Variants in BAIAP2L1 observed in about 807,000 individuals in gnomAD.
BAIAP2L1 encodes the protein BAR/IMD domain-containing adapter protein 2-like 1.
BAIAP2L1 carries 35 observed loss-of-function variants against 66.3 expected under a neutral mutation model. The observed-to-expected ratio is 0.53, with a 90% CI of 0.40 to 0.70. The LOEUF is 0.70. Ranked by LOEUF, BAIAP2L1 falls within the 30% of genes least tolerant of loss-of-function variation. The probability of loss-of-function intolerance (pLI) is 0.00; values close to 1 mark genes in which losing one functional copy is unlikely to be tolerated. For synonymous variants in BAIAP2L1, 269 were observed against 248.7 expected (o/e 1.08, Z -0.77); for missense variants, 622 against 656.9 (o/e 0.95, Z 0.58).
rs1802584242 is a variant in BAIAP2L1 at position 98,374,885 on chromosome 7, AG to A, written c.52-12454del. 2.0e-5 allele frequency among the ~76,000 whole-genome samples: 3 copies of A among 152,118 alleles called. No individual in the cohort carries two copies. The South Asian group carries it at 6.2e-4, about 32-fold the overall frequency. ...AGGATCGCTTGAGGTCAGGGGTTCA[AG>A]ACCAGCCTAAGCAACATAGCAAAAC... On this transcript the variant is annotated intron_variant, in intron 1 of 13. Coordinates refer to ENST00000005260, the MANE Select transcript of BAIAP2L1 (RefSeq NM_018842.5).
Position 98,331,128 on chromosome 7 carries a change from C to T in BAIAP2L1, c.215-10830G>A, listed in dbSNP as rs554539853. 1.4e-4 allele frequency among the ~76,000 whole-genome samples: 22 copies of T among 152,200 alleles called. No individual in the cohort carries two copies. The East Asian group carries it at 2.1e-3, about 15-fold the overall frequency. ...GATAAGTTCACCAGCAGACTGGACACGACCAAGGGAAGAATGAATGAGCTT... is the reference window on the plus strand; with the variant it reads ...GATAAGTTCACCAGCAGACTGGACATGACCAAGGGAAGAATGAATGAGCTT... On this transcript the variant is annotated intron_variant, in intron 3 of 13. Coordinates refer to ENST00000005260, the MANE Select transcript of BAIAP2L1 (RefSeq NM_018842.5).
intron 3 of BAIAP2L1, among the ~76,000 whole-genome samples, chr7:98,340,959 G>T (rs868755882): frequency 0.016 from 2,030 of 129,546 alleles, 50 homozygotes; most frequent in African/African-American, 0.053. Context: ...CAGCTAATTG[G>T]TTTTTTTTTT....
intron 12 of BAIAP2L1, among the ~76,000 whole-genome samples, chr7:98,294,892 G>A (rs1010347351): frequency 2.0e-5 from 3 of 152,166 alleles, no homozygotes; most frequent in Admixed American, 6.5e-5. Context: ...CACCCAGGGC[G>A]AGCCAGGGCC....
chr7:98,393,176 T>TACAC (rs398111637), intron 1 of BAIAP2L1, among the ~76,000 whole-genome samples: 14 of 57,276 alleles, frequency 2.4e-4, no homozygotes, highest in Middle Eastern at 0.014. Flanking sequence ...TGTATATATA[T>TACAC]ACATATATGT....
chr7:98,339,108 T>C (rs1384185500), intron 3 of BAIAP2L1, among the ~76,000 whole-genome samples: 1 of 150,982 alleles, frequency 6.6e-6, no homozygotes, highest in Non-Finnish European at 1.5e-5. Context: ...TGTGTGGGCA[T>C]ATGTTTCATT....
intron 1 of BAIAP2L1, among the ~76,000 whole-genome samples, chr7:98,384,980 T>C (rs1802853352): frequency 6.6e-6 from 1 of 152,106 alleles, no homozygotes; most frequent in Admixed American, 6.6e-5. Context: ...ATTACAGGCA[T>C]GAGCCACGGC....
At chr7:98,350,769 T>C (rs1426715375) in intron 3 of BAIAP2L1, among the ~76,000 whole-genome samples, 1 of 152,102 alleles carries the variant, frequency 6.6e-6, no homozygotes, top group Non-Finnish European at 1.5e-5. Flanking sequence ...GATCTCCCCT[T>C]CCCAAATAGA....
chr7:98,338,147 G>C (rs183917275), intron 3 of BAIAP2L1, among the ~76,000 whole-genome samples: 16 of 152,092 alleles, frequency 1.1e-4, no homozygotes, highest in Admixed American at 8.5e-4. Context: ...AAGAGATGCC[G>C]TTAGGCGGGG....
At chr7:98,343,395 G>A (rs1425201119) in intron 3 of BAIAP2L1, among the ~76,000 whole-genome samples, 1 of 152,052 alleles carries the variant, frequency 6.6e-6, no homozygotes, top group Non-Finnish European at 1.5e-5. Flanking sequence ...AGCTTGCAGT[G>A]AGCCAAGATC....
intron 1 of BAIAP2L1, among the ~76,000 whole-genome samples, chr7:98,377,265 G>A (rs971214234): frequency 5.9e-5 from 9 of 152,120 alleles, no homozygotes; most frequent in African/African-American, 1.9e-4. Flanking sequence ...TGCTAATGAC[G>A]ACGACGTGGT....
At position 98,293,291 on chromosome 7, in the gene BAIAP2L1, ATATTT is replaced by A. The variant is rs1009795384; in HGVS notation, c.*225_*229del. 4 of 451,166 alleles carry A rather than the reference ATATTT, an allele frequency of 8.9e-6. No individual in the cohort carries two copies. The highest frequency in any genetic ancestry group is 1.6e-5 in the Non-Finnish European group (4 of 251,656). 27.9% of individuals were successfully genotyped at this position (451,166 alleles called of 1,614,324 possible). A position where few individuals can be genotyped will look rare whatever the true frequency, so the allele number is the denominator to read the frequency against. On this transcript the variant is annotated 3_prime_UTR_variant, in exon 14 of 14. Transcript: ENST00000005260. ...GTTTCTTGAACAGAATAGGAAGAAAATATTTTAAATGGCTGAGCTGGTCATTAGAC... is the reference window on the plus strand; with the variant it reads ...GTTTCTTGAACAGAATAGGAAGAAAATAAATGGCTGAGCTGGTCATTAGAC...
chr7:98,321,286 T>A (rs1009264962), intron 3 of BAIAP2L1, among the ~76,000 whole-genome samples: 4 of 152,266 alleles, frequency 2.6e-5, no homozygotes, highest in African/African-American at 9.6e-5. Flanking sequence ...TAAAAAATGA[T>A]TTATTTTTAT....
At chr7:98,294,767 G>T (rs1800115803) in intron 12 of BAIAP2L1, among the ~76,000 whole-genome samples, 2 of 152,208 alleles carry the variant, frequency 1.3e-5, no homozygotes, top group South Asian at 4.1e-4. Flanking sequence ...TGGCTTTGGG[G>T]CTGCTAGAGC....
chr7:98,309,643 G>A (rs933151089), intron 9 of BAIAP2L1: 2 of 152,178 alleles, frequency 1.3e-5, no homozygotes, highest in African/African-American at 4.8e-5. Context: ...GGAAAACTCT[G>A]TTCTTTTGCC....
rs1351951784 is a variant in BAIAP2L1, at chr7:98,312,190, T to C, written c.714A>G (p.Lys238=). 1 of 1,614,130 alleles carries C rather than the reference T, an allele frequency of 6.2e-7. No individual in the cohort carries two copies. Among genetic ancestry groups the C allele is most frequent in the South Asian group, 1.1e-5 (1 of 91,072 alleles). ...TTATTTCTTCGATCATATTCATGAT[T>C]TTCTCTGGCACTTTGATGGCATCAA... ...TCVDAIKVPE[K]IMNMIEEIKT... The change falls in exon 8 of 14, where the codon AAA becomes AAG. Residue 238 remains lysine, a synonymous_variant. Transcript: ENST00000005260.
At chr7:98,347,285 A>G (rs961979271) in intron 3 of BAIAP2L1, among the ~76,000 whole-genome samples, 4 of 152,192 alleles carry the variant, frequency 2.6e-5, no homozygotes, top group African/African-American at 9.7e-5. Context: ...TAGTTTTACT[A>G]TTTTTTAATT....
chr7:98,294,881 CCA>C (rs1334417862), intron 12 of BAIAP2L1, among the ~76,000 whole-genome samples: 1 of 152,198 alleles, frequency 6.6e-6, no homozygotes, highest in African/African-American at 2.4e-5. Context: ...CCAGCACCTG[CCA>C]CCCAGGGCGA....
At chr7:98,394,972 G>A (rs1181507422) in intron 1 of BAIAP2L1, among the ~76,000 whole-genome samples, 4 of 151,592 alleles carry the variant, frequency 2.6e-5, no homozygotes, top group African/African-American at 9.7e-5. Context: ...ATTAGCCAGC[G>A]TGGTGGCAGG....
chr7:98,304,986 C>T (rs888153348), intron 11 of BAIAP2L1, among the ~76,000 whole-genome samples: 7 of 151,392 alleles, frequency 4.6e-5, no homozygotes, highest in African/African-American at 1.5e-4. Context: ...CTGCCTCAGC[C>T]TCCCAAGTAG....
Sources: gnomAD v4.1 joint callset for allele counts (sites outside exome capture counted in the v4.1 genomes callset) on GRCh38, gnomAD v4.1.1 for gene constraint, MANE v1.5 for transcripts, NCBI Gene and HGNC (gene_info 2026-07-23, HGNC 2026-07-21) for gene names.